The following LINGO2 variants were observed in gnomAD, a reference collection of about 807,000 sequenced individuals.
LINGO2 encodes leucine rich repeat and Ig domain containing 2.
Under a neutral mutation model 30.6 loss-of-function variants are expected in LINGO2, and 14 were observed. The ratio of observed to expected loss-of-function variants is 0.46; its 90% confidence interval spans 0.30 to 0.72. The LOEUF (loss-of-function observed/expected upper bound fraction) is 0.72. Ranked by LOEUF, LINGO2 falls within the 30% of genes least tolerant of loss-of-function variation. The pLI, the probability that LINGO2 is intolerant of heterozygous loss-of-function variation, is 0.07. For missense variants in LINGO2, 729 were observed against 751.7 expected (o/e 0.97, Z 0.35); for synonymous variants, 317 against 288.5 (o/e 1.10, Z -1.00).
At chr9:28,744,609 C>CGTGTGTGTGTGTGTGTGT in the LINGO2 span, among the ~76,000 whole-genome samples, 7,385 of 133,812 alleles carry the variant, frequency 0.055, 337 homozygotes, top group Admixed American at 0.096. Context: ...ATATTCCCCT[C>CGTGTGTGTGTGTGTGTGT]GTGTGTGTGT....
rs149220128 is a variant in LINGO2, at chr9:28,096,770, C to G, written c.-86-84365G>C. Among the ~76,000 whole-genome samples the G allele has an allele frequency of 1.8e-4, 27 of 152,018 alleles. No individual in the cohort carries two copies. The East Asian group carries it at 5.2e-3, about 29-fold the overall frequency. ...CAATTGCATATACTCAAACTTATATCTAAACAACATGGAAAACACTGAAAA... is the reference window on the plus strand; with the variant it reads ...CAATTGCATATACTCAAACTTATATGTAAACAACATGGAAAACACTGAAAA... On this transcript the variant is annotated intron_variant, in intron 4 of 5. Coordinates refer to ENST00000379992, the Ensembl canonical transcript of LINGO2.
the LINGO2 span, among the ~76,000 whole-genome samples, chr9:29,127,197 C>T: frequency 3.3e-5 from 5 of 152,098 alleles, no homozygotes; most frequent in Non-Finnish European, 7.4e-5. Context: ...CTTGCTCAAG[C>T]GTGTTCCCAC....
the LINGO2 span, among the ~76,000 whole-genome samples, chr9:28,824,484 TA>T: frequency 6.6e-6 from 1 of 152,164 alleles, no homozygotes; most frequent in African/African-American, 2.4e-5. Flanking sequence ...CTGAGTTTTG[TA>T]CCAGAGCACA....
upstream of LINGO2, among the ~76,000 whole-genome samples, chr9:28,670,681 C>T (rs1417169429): frequency 1.3e-5 from 2 of 152,112 alleles, no homozygotes; most frequent in African/African-American, 4.8e-5. Context: ...TTACCACTGG[C>T]TACTTTAACC....
At chr9:28,546,170 C>T (rs1364208295) in intron 1 of LINGO2, among the ~76,000 whole-genome samples, 1 of 151,802 alleles carries the variant, frequency 6.6e-6, no homozygotes, top group African/African-American at 2.4e-5. Context: ...GCCTTTAGAT[C>T]GATTAGTTTT....
At chr9:28,526,074 A>AAAAAAAAAAAAAAAC (rs1821024929) in intron 1 of LINGO2, among the ~76,000 whole-genome samples, 1 of 150,654 alleles carries the variant, frequency 6.6e-6, no homozygotes, top group Non-Finnish European at 1.5e-5. Flanking sequence ...AAAAAAAAAA[A>AAAAAAAAAAAAAAAC]AAGCCATTGA....
the LINGO2 span, among the ~76,000 whole-genome samples, chr9:29,142,718 C>T: frequency 2.0e-5 from 3 of 151,878 alleles, no homozygotes; most frequent in Admixed American, 6.6e-5. Context: ...GGAAACATTT[C>T]CTCTAAGATT....
At chr9:28,214,539 A>G (rs1341562722) in intron 4 of LINGO2, among the ~76,000 whole-genome samples, 1 of 151,610 alleles carries the variant, frequency 6.6e-6, no homozygotes, top group Non-Finnish European at 1.5e-5. Context: ...ATGAATGACA[A>G]TACAAAGATG....
chr9:28,493,253 T>C (rs751721988), intron 1 of LINGO2, among the ~76,000 whole-genome samples: 3 of 152,158 alleles, frequency 2.0e-5, no homozygotes, highest in Non-Finnish European at 2.9e-5. Context: ...TTGTTAATAC[T>C]TCCACCTACA....
At chr9:28,855,632 T>C in the LINGO2 span, among the ~76,000 whole-genome samples, 3,667 of 151,902 alleles carry the variant, frequency 0.024, 115 homozygotes, top group South Asian at 0.16. Context: ...CCAAAGAAAA[T>C]ATAAGATAGG....
the LINGO2 span, among the ~76,000 whole-genome samples, chr9:29,196,409 G>T: frequency 6.6e-6 from 1 of 151,822 alleles, no homozygotes; most frequent in African/African-American, 2.4e-5. Flanking sequence ...TAGCATCACC[G>T]TCTTATTTAA....
At chr9:28,574,480 A>G (rs537357514) in intron 1 of LINGO2, among the ~76,000 whole-genome samples, 5 of 152,256 alleles carry the variant, frequency 3.3e-5, no homozygotes, top group East Asian at 1.9e-4. Context: ...TATGACACTA[A>G]TGTTGTTTTG....
At chr9:28,385,240 G>A (rs189774844) in intron 2 of LINGO2, among the ~76,000 whole-genome samples, 3 of 152,180 alleles carry the variant, frequency 2.0e-5, no homozygotes, top group Non-Finnish European at 4.4e-5. Context: ...CTCTATTCCT[G>A]TAGCATTTAA....
At chr9:28,506,443 C>T (rs13296806) in intron 1 of LINGO2, among the ~76,000 whole-genome samples, 1 of 109,452 alleles carries the variant, frequency 9.1e-6, no homozygotes, top group South Asian at 3.0e-4. Context: ...CACACACACA[C>T]ACACACACAC....
At chr9:28,337,256 C>T (rs997149647) in intron 3 of LINGO2, among the ~76,000 whole-genome samples, 1 of 151,274 alleles carries the variant, frequency 6.6e-6, no homozygotes, top group Non-Finnish European at 1.5e-5. Flanking sequence ...AAGGTAATTG[C>T]TAGGTTGTGG....
At chr9:27,988,045 T>A (rs1025146705) in intron 5 of LINGO2, among the ~76,000 whole-genome samples, 31 of 151,952 alleles carry the variant, frequency 2.0e-4, no homozygotes, top group Admixed American at 3.9e-4. Context: ...ATGTTCCCCT[T>A]CCTGTGTCCA....
chr9:28,214,588 T>C (rs1267180140), intron 4 of LINGO2, among the ~76,000 whole-genome samples: 1 of 151,592 alleles, frequency 6.6e-6, no homozygotes, highest in African/African-American at 2.4e-5. Context: ...TCATTTTCTT[T>C]CCCATTAGCC....
At chr9:28,178,596 T>G (rs1828812882) in intron 4 of LINGO2, among the ~76,000 whole-genome samples, 1 of 152,180 alleles carries the variant, frequency 6.6e-6, no homozygotes, top group African/African-American at 2.4e-5. Flanking sequence ...AATTATCTTC[T>G]CAATGTTCAC....
intron 1 of LINGO2, among the ~76,000 whole-genome samples, chr9:28,548,329 C>T (rs1415883017): frequency 6.6e-6 from 1 of 152,036 alleles, no homozygotes; most frequent in African/African-American, 2.4e-5. Context: ...CTGGCATTTC[C>T]TACTACACAG....
Sources: allele counts gnomAD v4.1 joint callset (sites outside exome capture counted in the v4.1 genomes callset), GRCh38; gene constraint gnomAD v4.1.1; transcripts MANE v1.5; gene names NCBI Gene and HGNC (gene_info 2026-07-23, HGNC 2026-07-21).